TRAPPC9: variants seen among roughly 807,000 people sequenced by gnomAD.
TRAPPC9 encodes trafficking protein particle complex subunit 9.
Under a neutral mutation model 124.0 loss-of-function variants are expected in TRAPPC9, and 83 were observed. The observed-to-expected ratio is 0.67, with a 90% CI of 0.56 to 0.80. TRAPPC9 has a LOEUF of 0.80. TRAPPC9 is among the 30% of genes least tolerant of loss of function. TRAPPC9 has a pLI of 0.00. For synonymous variants in TRAPPC9, 638 were observed against 617.5 expected, an observed-to-expected ratio of 1.03 and a Z score of -0.49; for missense variants, 1,302 against 1,508.3, an observed-to-expected ratio of 0.86 and a Z score of 2.27.
At chr8:140,267,076 C>G (rs925602649) in intron 15 of TRAPPC9, among the ~76,000 whole-genome samples, 7 of 151,904 alleles carry the variant, frequency 4.6e-5, no homozygotes, top group Non-Finnish European at 1.0e-4. Flanking sequence ...GTCAGGAAAG[C>G]GAAGATGAGA....
intron 21 of TRAPPC9, among the ~76,000 whole-genome samples, chr8:139,774,947 G>A (rs779740156): frequency 3.3e-5 from 5 of 152,204 alleles, no homozygotes; most frequent in Non-Finnish European, 7.3e-5. Flanking sequence ...ACAAGAACCT[G>A]AGCAGAACGC....
At chr8:140,284,130 C>G (rs1393843283) in intron 13 of TRAPPC9, 109 bp from the exon 14 acceptor site, 1 of 1,486,028 alleles carries the variant, frequency 6.7e-7, no homozygotes, top group Non-Finnish European at 9.3e-7. Context: ...GACCTGAGTT[C>G]CGAAGCTGCC....
rs187329668 is a variant in TRAPPC9, at chr8:139,874,012, C to T, written c.3055+11867G>A. ...ACTGACCCACAGTCAGGCCGTTCTTCTCGGCAGGAGCATGGGTCAGTCAAC... is the reference window on the plus strand; with the variant it reads ...ACTGACCCACAGTCAGGCCGTTCTTTTCGGCAGGAGCATGGGTCAGTCAAC... On this transcript the variant is annotated intron_variant, in intron 21 of 22. Coordinates refer to ENST00000438773, the MANE Select transcript of TRAPPC9 (RefSeq NM_001160372.4). Among the ~76,000 whole-genome samples the T allele has an allele frequency of 2.6e-5, 4 of 152,360 alleles. No homozygotes were observed. The East Asian group carries it at 7.7e-4, about 29-fold the overall frequency.
At chr8:139,740,622 G>A (rs536051202) in intron 21 of TRAPPC9, among the ~76,000 whole-genome samples, 5 of 152,338 alleles carry the variant, frequency 3.3e-5, no homozygotes, top group East Asian at 3.9e-4. Flanking sequence ...GGCCCCATGC[G>A]GGCCCTGCGG....
chr8:139,746,224 C>T (rs1484578381), intron 21 of TRAPPC9, among the ~76,000 whole-genome samples: 3 of 152,222 alleles, frequency 2.0e-5, no homozygotes, highest in Non-Finnish European at 2.9e-5. Flanking sequence ...TACTCGACCT[C>T]GAGAAGGTTC....
At chr8:139,932,441 G>A (rs753293996) in intron 19 of TRAPPC9, 2 of 457,718 alleles carry the variant, frequency 4.4e-6, no homozygotes, top group African/African-American at 4.0e-5. Context: ...AGTACAAGAT[G>A]TTGGCTGACC....
At chr8:139,923,205 C>T (rs979769589) in intron 19 of TRAPPC9, among the ~76,000 whole-genome samples, 9 of 152,214 alleles carry the variant, frequency 5.9e-5, no homozygotes, top group Non-Finnish European at 1.3e-4. Flanking sequence ...CATCTCCCCG[C>T]TAAGTGGAGC....
At chr8:140,256,555 G>A (rs776069970) in intron 15 of TRAPPC9, among the ~76,000 whole-genome samples, 5 of 152,096 alleles carry the variant, frequency 3.3e-5, no homozygotes, top group Non-Finnish European at 5.9e-5. Context: ...ACCTGCTTCC[G>A]CTTGGTTGCC....
chr8:139,925,362 G>A (rs1478561125), intron 19 of TRAPPC9, among the ~76,000 whole-genome samples: 1 of 152,206 alleles, frequency 6.6e-6, no homozygotes, highest in African/African-American at 2.4e-5. Flanking sequence ...TTAGAGGCGA[G>A]AGAGCTAGAG....
chr8:139,732,122 G>A lies in TRAPPC9; in HGVS notation c.3136C>T (p.Arg1046Trp), dbSNP rs376617920. Residue 1046 changes from arginine to tryptophan, a missense_variant, in exon 22 of 23, where the codon CGG (arginine) becomes TGG (tryptophan). Coordinates refer to ENST00000438773, the MANE Select transcript of TRAPPC9 (RefSeq NM_001160372.4). ...QVGDPVRLEV[R>W]LTNRSPRSVG... ...CTGCGCGGGCTCCGGTTGGTCAGCC[G>A]CACCTCCAGGCGCACGGGGTCGCCC... is the stretch of plus-strand genomic sequence containing the variant. The A allele has an allele frequency of 1.2e-4, 189 of 1,605,768 alleles. No individual in the cohort carries two copies. Among genetic ancestry groups the A allele is most frequent in the Admixed American group, 4.4e-4 (26 of 59,304 alleles).
chr8:140,375,421 A>T (rs1474662634), intron 7 of TRAPPC9, among the ~76,000 whole-genome samples: 2 of 152,222 alleles, frequency 1.3e-5, no homozygotes, highest in Non-Finnish European at 2.9e-5. Context: ...ATTTCCAAGT[A>T]GAAAGTAAGT....
chr8:140,208,745 C>G (rs2062986905), intron 17 of TRAPPC9, among the ~76,000 whole-genome samples: 1 of 152,240 alleles, frequency 6.6e-6, no homozygotes, highest in South Asian at 2.1e-4. Context: ...TCCATGGACA[C>G]AAAGTCTACT....
chr8:140,129,004 T>TA (rs1184610575), intron 17 of TRAPPC9, among the ~76,000 whole-genome samples: 19,744 of 133,918 alleles, frequency 0.15, 1,815 homozygotes, highest in Non-Finnish European at 0.2. Flanking sequence ...TATATATATA[T>TA]TAAAAAAAAA....
intron 20 of TRAPPC9, among the ~76,000 whole-genome samples, chr8:139,894,664 A>G (rs962167893): frequency 6.6e-6 from 1 of 152,210 alleles, no homozygotes; most frequent in African/African-American, 2.4e-5. Flanking sequence ...ACTCCTGACC[A>G]GACCCCTGTG....
At chr8:140,410,948 C>G (rs1187100315) in intron 5 of TRAPPC9, among the ~76,000 whole-genome samples, 1 of 151,776 alleles carries the variant, frequency 6.6e-6, no homozygotes, top group East Asian at 1.9e-4. Context: ...GATGGGGAAA[C>G]TCATTAATGA....
chr8:140,319,262 G>A (rs1223165854), intron 9 of TRAPPC9, among the ~76,000 whole-genome samples: 11 of 140,894 alleles, frequency 7.8e-5, no homozygotes, highest in African/African-American at 2.4e-4. Flanking sequence ...TGCAAGCTCC[G>A]CCTCCCGGGT....
At chr8:139,905,884 G>A (rs1331283554) in intron 20 of TRAPPC9, among the ~76,000 whole-genome samples, 2 of 152,032 alleles carry the variant, frequency 1.3e-5, no homozygotes, top group African/African-American at 2.4e-5. Flanking sequence ...CACGAGGTCA[G>A]GAGATTCAGA....
intron 7 of TRAPPC9, among the ~76,000 whole-genome samples, chr8:140,388,491 C>G (rs1180171411): frequency 1.3e-5 from 2 of 152,042 alleles, no homozygotes; most frequent in Non-Finnish European, 2.9e-5. Flanking sequence ...TGAGACCAGC[C>G]TGACCAACAT....
Position 140,311,239 on chromosome 8 carries a change from C to G in TRAPPC9, c.1622+9G>C. ...AGCTGCCTTTCCGGCTCTGCAGTGC[C>G]CATCTCACCTGACGATGGGAAGCTT... On this transcript the variant is annotated intron_variant, in intron 10 of 22. Coordinates refer to ENST00000438773, the MANE Select transcript of TRAPPC9 (RefSeq NM_001160372.4). The G allele has an allele frequency of 4.3e-6, 7 of 1,609,652 alleles. No homozygotes were observed. Among genetic ancestry groups the G allele is most frequent in the Non-Finnish European group, 5.9e-6 (7 of 1,179,904 alleles).
Sources: allele counts gnomAD v4.1 joint callset (sites outside exome capture counted in the v4.1 genomes callset), GRCh38; gene constraint gnomAD v4.1.1; transcripts MANE v1.5; gene names NCBI Gene and HGNC (gene_info 2026-07-23, HGNC 2026-07-21).